The following DLG2 variants were observed in gnomAD, a reference collection of about 807,000 sequenced individuals.
DLG2 encodes the protein discs large MAGUK scaffold protein 2.
In DLG2, 45 loss-of-function variants were observed where a neutral mutation model predicts 132.5. The ratio of observed to expected loss-of-function variants is 0.34; its 90% CI spans 0.27 to 0.44. DLG2 has a LOEUF of 0.44. DLG2 is among the 20% of genes least tolerant of loss of function. The pLI, the probability that DLG2 is intolerant of heterozygous loss-of-function variation, is 1.00. For synonymous variants in DLG2, 424 were observed against 419.6 expected, an observed-to-expected ratio of 1.01 and a Z score of -0.13; for missense variants, 1,045 against 1,196.9, an observed-to-expected ratio of 0.87 and a Z score of 1.87.
intron 15 of DLG2, among the ~76,000 whole-genome samples, chr11:83,878,798 C>G (rs1340928600): frequency 6.6e-6 from 1 of 152,160 alleles, no homozygotes; most frequent in Non-Finnish European, 1.5e-5. Context: ...AAGAAGTCCC[C>G]TGTCGCCTGG....
chr11:83,884,247 G>C (rs1387349206), intron 15 of DLG2, among the ~76,000 whole-genome samples: 5 of 152,206 alleles, frequency 3.3e-5, no homozygotes, highest in African/African-American at 1.2e-4. Context: ...CCCTAATACT[G>C]CGCTTTTCCG....
At chr11:84,221,084 A>T (rs895093713) in intron 8 of DLG2, among the ~76,000 whole-genome samples, 1 of 151,368 alleles carries the variant, frequency 6.6e-6, no homozygotes, top group Non-Finnish European at 1.5e-5. Context: ...GATTACAGGC[A>T]TGAGGCACTG....
chr11:84,538,404 C>G (rs960094548), intron 6 of DLG2, among the ~76,000 whole-genome samples: 2 of 152,116 alleles, frequency 1.3e-5, no homozygotes, highest in Non-Finnish European at 2.9e-5. Context: ...GGAACATTAC[C>G]CTTAGGTGAT....
chr11:84,458,375 C>T (rs1372444866), intron 7 of DLG2, among the ~76,000 whole-genome samples: 1 of 150,784 alleles, frequency 6.6e-6, no homozygotes, highest in Non-Finnish European at 1.5e-5. Context: ...GAAGTAAATC[C>T]TGTTCAGAAG....
chr11:85,599,777 G>A (rs914514994), intron 2 of DLG2, among the ~76,000 whole-genome samples: 2 of 152,090 alleles, frequency 1.3e-5, no homozygotes, highest in Admixed American at 6.6e-5. Flanking sequence ...TTGCCTATAC[G>A]AATTTGTCGG....
At chr11:83,464,125 G>A (rs948963100) in intron 26 of DLG2, among the ~76,000 whole-genome samples, 1 of 152,230 alleles carries the variant, frequency 6.6e-6, no homozygotes, top group South Asian at 2.1e-4. Context: ...CATCATGGGA[G>A]CAGGAAGGTA....
intron 6 of DLG2, among the ~76,000 whole-genome samples, chr11:85,039,133 T>C (rs1177857028): frequency 6.6e-6 from 1 of 151,950 alleles, no homozygotes; most frequent in African/African-American, 2.4e-5. Context: ...TCCTAAATTT[T>C]TGGAATTGCT....
At chr11:84,847,750 T>C (rs1286131239) in intron 6 of DLG2, among the ~76,000 whole-genome samples, 1 of 151,962 alleles carries the variant, frequency 6.6e-6, no homozygotes, top group Non-Finnish European at 1.5e-5. Context: ...CTGGGAAAAA[T>C]AGCTTGTAAG....
intron 3 of DLG2, among the ~76,000 whole-genome samples, chr11:85,566,601 A>G (rs182259690): frequency 4.3e-4 from 65 of 152,220 alleles, no homozygotes; most frequent in African/African-American, 1.6e-3. Context: ...TTCATATGGC[A>G]GAAAGAGGGC....
intron 7 of DLG2, among the ~76,000 whole-genome samples, chr11:84,356,248 G>A (rs779326257): frequency 6.6e-6 from 1 of 152,056 alleles, no homozygotes; most frequent in Non-Finnish European, 1.5e-5. Flanking sequence ...GCTTTTTCTA[G>A]GCACTGAACA....
Position 84,041,314 on chromosome 11 carries a change from G to T in DLG2, c.919+18001C>A, listed in dbSNP as rs552997951. 3.9e-5 allele frequency among the ~76,000 whole-genome samples: 6 copies of T among 151,960 alleles called. No homozygotes were observed. In the East Asian group the frequency reaches 1.2e-3, roughly 30 times the overall value. On this transcript the variant is annotated intron_variant, in intron 11 of 27. Transcript: ENST00000376104. ...TATATAGGATAAATTCCTAGAAGTA[G>T]AATCACTATGCCAAAGGGTTTAAGC...
At chr11:84,838,471 T>A (rs2080120458) in intron 6 of DLG2, among the ~76,000 whole-genome samples, 1 of 151,632 alleles carries the variant, frequency 6.6e-6, no homozygotes. Flanking sequence ...TTGGTGAGGA[T>A]GAAGGGAAAC....
At chr11:84,213,056 C>T (rs1427151048) in intron 8 of DLG2, among the ~76,000 whole-genome samples, 1 of 152,168 alleles carries the variant, frequency 6.6e-6, no homozygotes, top group Non-Finnish European at 1.5e-5. Flanking sequence ...TCTTTACTTT[C>T]AGGAGGAGCT....
intron 6 of DLG2, among the ~76,000 whole-genome samples, chr11:84,888,201 CTGTGAGGG>C (rs1202635389): frequency 6.6e-6 from 1 of 152,042 alleles, no homozygotes; most frequent in Non-Finnish European, 1.5e-5. Context: ...CTGAATGTGT[CTGTGAGGG>C]TGTTTCGGAG....
chr11:84,766,209 C>A (rs1188894992), intron 6 of DLG2, among the ~76,000 whole-genome samples: 1 of 151,982 alleles, frequency 6.6e-6, no homozygotes, highest in African/African-American at 2.4e-5. Flanking sequence ...GTCATTTTAG[C>A]CTTCACAAGT....
chr11:84,920,288 C>A (rs1228610516), intron 6 of DLG2, among the ~76,000 whole-genome samples: 1 of 152,162 alleles, frequency 6.6e-6, no homozygotes, highest in Non-Finnish European at 1.5e-5. Flanking sequence ...AAGTGCTCTG[C>A]TTCTTAGCTC....
In DLG2 at chr11:84,986,870, C is replaced by T. The variant is rs1592250787; in HGVS notation, c.357+124791G>A. On this transcript the variant is annotated intron_variant, in intron 6 of 27. Coordinates refer to ENST00000376104, the MANE Select transcript of DLG2 (RefSeq NM_001142699.3). ...CTAGAACAAGACAAGGATGCCTGCT[C>T]TAATCACTCCTCTTCAACACAGTAC... 3.9e-5 allele frequency among the ~76,000 whole-genome samples: 6 copies of T among 152,122 alleles called. No individual in the cohort carries two copies. In the South Asian group the frequency reaches 1.2e-3, roughly 32 times the overall value.
intron 19 of DLG2, among the ~76,000 whole-genome samples, chr11:83,618,740 T>C (rs1044092411): frequency 6.6e-6 from 1 of 152,146 alleles, no homozygotes; most frequent in Admixed American, 6.6e-5. Context: ...TCTATGGTAG[T>C]GTATACCTCC....
intron 3 of DLG2, among the ~76,000 whole-genome samples, chr11:85,353,899 A>C (rs1332489938): frequency 2.0e-5 from 3 of 152,056 alleles, no homozygotes; most frequent in Admixed American, 1.3e-4. Flanking sequence ...ATGATGAGTT[A>C]ATGGGTGCAG....
Sources: gnomAD v4.1 joint callset for allele counts (sites outside exome capture counted in the v4.1 genomes callset) on GRCh38, gnomAD v4.1.1 for gene constraint, MANE v1.5 for transcripts, NCBI Gene and HGNC (gene_info 2026-07-23, HGNC 2026-07-21) for gene names.